Variants in ELAPOR1 observed in about 807,000 individuals in gnomAD.
The protein encoded by ELAPOR1 is endosome/lysosome-associated apoptosis and autophagy regulator 1.
In ELAPOR1, 77 loss-of-function variants were observed where a neutral mutation model predicts 119.7. The observed-to-expected ratio is 0.64, with a 90% CI of 0.54 to 0.78. The LOEUF (loss-of-function observed/expected upper bound fraction) is 0.78, where lower values mean the gene tolerates loss of function less well. Among genes scored for constraint, ELAPOR1 ranks in the 30% least tolerant of loss-of-function variants. The probability of loss-of-function intolerance (pLI) is 0.00; values close to 1 mark genes in which losing one functional copy is unlikely to be tolerated. For missense variants in ELAPOR1, 1,115 were observed against 1,270.4 expected, an observed-to-expected ratio of 0.88 and a Z score of 1.86; for synonymous variants, 481 against 487.2, an observed-to-expected ratio of 0.99 and a Z score of 0.17.
chr1:109,183,328 C>CAAAAA (rs67807553), intron 7 of ELAPOR1, among the ~76,000 whole-genome samples: 1 of 29,428 alleles, frequency 3.4e-5, no homozygotes, highest in African/African-American at 1.3e-4. Flanking sequence ...CTGTCTCTAC[C>CAAAAA]AAAAAAAAAA....
rs1465880062 is a variant in ELAPOR1, at chr1:109,150,752, C to T, written c.154-11142C>T. ...TTAATGGGGGACTCTCTACTTCCCCCTTCGAAGGGGCTGGCTTTCTTCTAA... is the reference window on the plus strand; with the variant it reads ...TTAATGGGGGACTCTCTACTTCCCCTTTCGAAGGGGCTGGCTTTCTTCTAA... On this transcript the variant is annotated intron_variant, in intron 1 of 21. Coordinates refer to ENST00000369939, the MANE Select transcript of ELAPOR1 (RefSeq NM_020775.5). Among the ~76,000 whole-genome samples, 3 of 152,292 alleles carry T rather than the reference C, an allele frequency of 2.0e-5. No homozygotes were observed. In the East Asian group the frequency reaches 5.8e-4, roughly 29 times the overall value.
At chr1:109,182,866 CAAAA>C (rs60530937) in intron 7 of ELAPOR1, among the ~76,000 whole-genome samples, 4 of 96,552 alleles carry the variant, frequency 4.1e-5, no homozygotes, top group Admixed American at 2.2e-4. Flanking sequence ...GACTCCATCT[CAAAA>C]AAAAAAAAAA....
intron 1 of ELAPOR1, among the ~76,000 whole-genome samples, chr1:109,125,290 C>T (rs571271738): frequency 7.9e-5 from 12 of 151,640 alleles, no homozygotes; most frequent in African/African-American, 2.7e-4. Context: ...AGGCTGGTCT[C>T]GAACTCCTGA....
rs187931299 is a variant in ELAPOR1 at position 109,124,428 on chromosome 1, G to A, written c.153+10092G>A. ...TATTTTTAAGGCTGCATAGAGTTCC[G>A]TAGGCTGTATATAATATAATTTATA... On this transcript the variant is annotated intron_variant, in intron 1 of 21. Transcript: ENST00000369939. Among the ~76,000 whole-genome samples, 21 of 152,206 alleles carry A rather than the reference G, an allele frequency of 1.4e-4. No homozygotes were observed. In the East Asian group the frequency reaches 2.7e-3, roughly 20 times the overall value.
At chr1:109,140,945 G>A (rs983577794) in intron 1 of ELAPOR1, among the ~76,000 whole-genome samples, 6 of 151,994 alleles carry the variant, frequency 3.9e-5, no homozygotes, top group East Asian at 3.9e-4. Flanking sequence ...TCCCCCTCCC[G>A]GGTTCAAGTG....
chr1:109,140,575 T>A (rs1402684418), intron 1 of ELAPOR1, among the ~76,000 whole-genome samples: 3 of 152,104 alleles, frequency 2.0e-5, no homozygotes, highest in African/African-American at 7.2e-5. Context: ...CTCCTCTAGA[T>A]AAGAAATAAC....
rs1570729943 is a variant in ELAPOR1, at chr1:109,197,493, G to A, written c.2141G>A (p.Cys714Tyr). ...CGNQGRKMSV[C>Y]TDNVTDLRIP... is the part of the protein sequence containing the mutation. ...AACCAGGGTAGGAAAATGTCTGTGTGCACCGACAATGTCACTGACCTCCGG... is the reference window on the plus strand; with the variant it reads ...AACCAGGGTAGGAAAATGTCTGTGTACACCGACAATGTCACTGACCTCCGG... The change falls in exon 16 of 22, where the codon TGC becomes TAC. Residue 714 changes from cysteine to tyrosine, a missense_variant. By Grantham distance (194) the Cys-to-Tyr change is radical (BLOSUM62 -2). Coordinates refer to ENST00000369939, the MANE Select transcript of ELAPOR1 (RefSeq NM_020775.5). 1 of 1,614,044 alleles carries A rather than the reference G, an allele frequency of 6.2e-7. No individual in the cohort carries two copies. Among genetic ancestry groups the A allele is most frequent in the Middle Eastern group, 1.6e-4 (1 of 6,062 alleles).
At chr1:109,188,418 T>C (rs1198575674) in intron 9 of ELAPOR1, 64 bp downstream of exon 9, 1 of 1,527,594 alleles carries the variant, frequency 6.5e-7, no homozygotes, top group Admixed American at 1.8e-5. Flanking sequence ...GTGTGGGCAC[T>C]AACAGTGGCC....
At chr1:109,149,960 C>T (rs759552592) in intron 1 of ELAPOR1, among the ~76,000 whole-genome samples, 4 of 152,186 alleles carry the variant, frequency 2.6e-5, no homozygotes, top group Non-Finnish European at 4.4e-5. Flanking sequence ...CAGTGCCGGG[C>T]CCCGAGCCTG....
At chr1:109,202,323 T>C (rs1277826933) in intron 21 of ELAPOR1, among the ~76,000 whole-genome samples, 1 of 151,992 alleles carries the variant, frequency 6.6e-6, no homozygotes, top group Admixed American at 6.6e-5. Flanking sequence ...TTTCACCATG[T>C]TGGCCAGGCT....
chr1:109,185,178 C>A, intron 8 of ELAPOR1, 45 bp downstream of exon 8: 1 of 1,415,188 alleles, frequency 7.1e-7, no homozygotes, highest in Non-Finnish European at 1.0e-6. Context: ...GATGGACTGT[C>A]TCCCACTCCC....
chr1:109,126,791 A>G (rs978992295), intron 1 of ELAPOR1, among the ~76,000 whole-genome samples: 5 of 152,072 alleles, frequency 3.3e-5, no homozygotes, highest in African/African-American at 1.2e-4. Flanking sequence ...ATCTTTAATG[A>G]GATCATTAGC....
In ELAPOR1 at chr1:109,173,813, C is replaced by T; in HGVS notation, c.928C>T (p.Gln310Ter). ...AAATAAAGGAGAAACTTCTTGCCAC[C>T]AGTGTGACCCTGACAAATACTCAGG... Reference protein sequence around the residue: ...YSNKGETSCHQCDPDKYSEKG... With the variant: ...YSNKGETSCH Residue 310 changes from glutamine to a stop codon, truncating the protein, a stop_gained, in exon 7 of 22, where the codon CAG becomes TAG. Coordinates refer to ENST00000369939, the MANE Select transcript of ELAPOR1 (RefSeq NM_020775.5). LOFTEE classifies it high-confidence loss of function. The T allele has an allele frequency of 1.9e-6, 3 of 1,614,044 alleles. No individual in the cohort carries two copies. The highest frequency in any genetic ancestry group is 1.1e-5 in the South Asian group (1 of 91,078).
intron 2 of ELAPOR1, among the ~76,000 whole-genome samples, 162 bp downstream of exon 2, chr1:109,162,176 G>A (rs540735270): frequency 6.6e-6 from 1 of 152,318 alleles, no homozygotes; most frequent in East Asian, 1.9e-4. Flanking sequence ...ATGAGATTTG[G>A]TGCAGAAGTA....
chr1:109,129,281 G>A (rs1172612334), intron 1 of ELAPOR1, among the ~76,000 whole-genome samples: 3 of 152,106 alleles, frequency 2.0e-5, no homozygotes, highest in African/African-American at 7.2e-5. Context: ...AGGCCTAGGC[G>A]GGTGGATAAC....
At chr1:109,177,199 T>C (rs1287307773) in intron 7 of ELAPOR1, among the ~76,000 whole-genome samples, 1 of 145,684 alleles carries the variant, frequency 6.9e-6, no homozygotes, top group Admixed American at 6.8e-5. Context: ...GAGGCGCCCC[T>C]CACCTCCTGG....
intron 1 of ELAPOR1, among the ~76,000 whole-genome samples, chr1:109,147,653 G>A (rs1306225083): frequency 1.3e-5 from 2 of 151,890 alleles, no homozygotes; most frequent in Non-Finnish European, 2.9e-5. Context: ...GAATTGTAAC[G>A]AATGTACCAC....
chr1:109,128,696 T>C (rs767229517), intron 1 of ELAPOR1, among the ~76,000 whole-genome samples: 2 of 152,246 alleles, frequency 1.3e-5, no homozygotes, highest in African/African-American at 4.8e-5. Flanking sequence ...TTTTTAAACA[T>C]TGGTAGTTGT....
chr1:109,118,871 T>C (rs1479780238), intron 1 of ELAPOR1, among the ~76,000 whole-genome samples: 1 of 151,644 alleles, frequency 6.6e-6, no homozygotes, highest in East Asian at 1.9e-4. Flanking sequence ...GTGTCTAGGC[T>C]TTTCTGTTTC....
Sources: allele counts gnomAD v4.1 joint callset (sites outside exome capture counted in the v4.1 genomes callset), GRCh38; gene constraint gnomAD v4.1.1; transcripts MANE v1.5; gene names NCBI Gene and HGNC (gene_info 2026-07-23, HGNC 2026-07-21).